Variants in PCBD2 observed in about 807,000 individuals in gnomAD.
The protein encoded by PCBD2 is pterin-4-alpha-carbinolamine dehydratase 2.
In PCBD2, 12 loss-of-function variants were observed where a neutral mutation model predicts 16.4. The ratio of observed to expected loss-of-function variants is 0.73; its 90% CI spans 0.47 to 1.19. The LOEUF (loss-of-function observed/expected upper bound fraction) is 1.19. PCBD2 is among the 50% of genes most tolerant of loss of function. PCBD2 has a pLI of 0.00. For missense variants in PCBD2, 138 were observed against 156.8 expected, an observed-to-expected ratio of 0.88 and a Z score of 0.64; for synonymous variants, 58 against 61.8, an observed-to-expected ratio of 0.94 and a Z score of 0.29.
At chr5:134,927,530 G>A in intron 2 of PCBD2, 1 of 397,776 alleles carries the variant, frequency 2.5e-6, no homozygotes, top group Non-Finnish European at 4.4e-6. Context: ...AGCCTAGGGT[G>A]TTGTGGGTGT....
chr5:134,929,450 C>T (rs549422296), intron 2 of PCBD2, among the ~76,000 whole-genome samples: 4 of 151,678 alleles, frequency 2.6e-5, no homozygotes, highest in African/African-American at 9.7e-5. Context: ...TCTGCTGAGA[C>T]ACCAAGTAAG....
chr5:134,936,451 G>T (rs1751160580), intron 2 of PCBD2, among the ~76,000 whole-genome samples: 1 of 152,252 alleles, frequency 6.6e-6, no homozygotes, highest in African/African-American at 2.4e-5. Context: ...CCAGGAAGGT[G>T]CTGGGTACAG....
intron 2 of PCBD2, among the ~76,000 whole-genome samples, chr5:134,913,172 C>T (rs1045126810): frequency 1.4e-4 from 21 of 152,124 alleles, no homozygotes; most frequent in African/African-American, 5.1e-4. Flanking sequence ...CTAGGTGCTA[C>T]TCTAAGCTCA....
At chr5:134,936,389 C>A (rs1751159193) in intron 2 of PCBD2, among the ~76,000 whole-genome samples, 1 of 152,226 alleles carries the variant, frequency 6.6e-6, no homozygotes, top group Non-Finnish European at 1.5e-5. Flanking sequence ...CTGTCCTCCT[C>A]AGTCGCACTG....
intron 2 of PCBD2, chr5:134,927,467 T>G (rs2149534168): frequency 2.5e-6 from 1 of 398,366 alleles, no homozygotes; most frequent in African/African-American, 2.1e-5. Context: ...AGTTATTGGC[T>G]CAGGAGTTTG....
At chr5:134,935,352 C>T (rs924662285) in intron 2 of PCBD2, among the ~76,000 whole-genome samples, 1 of 152,204 alleles carries the variant, frequency 6.6e-6, no homozygotes, top group Non-Finnish European at 1.5e-5. Context: ...TACATGCCCT[C>T]ATCCCTTTCC....
chr5:134,908,334 T>C (rs1268885893), intron 1 of PCBD2, among the ~76,000 whole-genome samples: 1 of 151,732 alleles, frequency 6.6e-6, no homozygotes. Context: ...AGTAAGTGGT[T>C]TTTAACAACA....
intron 2 of PCBD2, 21 bp downstream of exon 2, chr5:134,910,487 C>T: frequency 6.2e-7 from 1 of 1,612,724 alleles, no homozygotes; most frequent in Non-Finnish European, 8.5e-7. Context: ...TAAATTCTTG[C>T]TAGGGCTGTG....
chr5:134,926,239 G>A (rs1294976048), intron 2 of PCBD2: 6 of 331,910 alleles, frequency 1.8e-5, no homozygotes, highest in African/African-American at 1.3e-4. Context: ...GGAGAGTTGG[G>A]TTGTTTGGGT....
intron 2 of PCBD2, chr5:134,923,824 C>T: frequency 2.5e-6 from 1 of 394,010 alleles, no homozygotes; most frequent in Non-Finnish European, 4.5e-6. Flanking sequence ...ATGATTCAGC[C>T]ATAATTTACG....
At chr5:134,912,361 C>G (rs144227712) in intron 2 of PCBD2, among the ~76,000 whole-genome samples, 1 of 152,178 alleles carries the variant, frequency 6.6e-6, no homozygotes, top group South Asian at 2.1e-4. Context: ...TCCAGCGAAA[C>G]ACAACTAGGA....
chr5:134,953,320 C>A lies in PCBD2; in HGVS notation c.217-5720C>A, dbSNP rs560901478. On this transcript the variant is annotated intron_variant, in intron 2 of 3. Transcript: ENST00000254908. ...ATTTTTATTTTGATTCTTGTGGATA[C>A]TATTATAACTATATATAGGTATATA... is the stretch of plus-strand genomic sequence containing the variant. 1.4e-4 allele frequency among the ~76,000 whole-genome samples: 21 copies of A among 149,382 alleles called. No homozygotes were observed. In the East Asian group the frequency reaches 4.1e-3, roughly 29 times the overall value.
chr5:134,906,066 T>C (rs1014676535), intron 1 of PCBD2, among the ~76,000 whole-genome samples: 2 of 150,934 alleles, frequency 1.3e-5, no homozygotes, highest in Non-Finnish European at 3.0e-5. Context: ...TAGAGAGGGG[T>C]TTTCGCCATG....
At chr5:134,914,570 G>T (rs1750804957) in intron 2 of PCBD2, among the ~76,000 whole-genome samples, 1 of 152,178 alleles carries the variant, frequency 6.6e-6, no homozygotes, top group South Asian at 2.1e-4. Context: ...AGGGAAAAAA[G>T]GGAGGGACAG....
chr5:134,905,539 G>C (rs1030092571), intron 1 of PCBD2: 19 of 257,340 alleles, frequency 7.4e-5, no homozygotes, highest in Admixed American at 2.2e-4. Flanking sequence ...AGTAGTTGCA[G>C]AACAATTCGG....
intron 2 of PCBD2, among the ~76,000 whole-genome samples, chr5:134,923,110 C>A (rs1270063725): frequency 6.6e-6 from 1 of 152,148 alleles, no homozygotes; most frequent in Non-Finnish European, 1.5e-5. Flanking sequence ...CCAAATTTTA[C>A]AGAGGAGGAA....
In PCBD2 at chr5:134,960,694, T is replaced by C. The variant is rs1356872069; in HGVS notation, c.*13T>C. On this transcript the variant is annotated 3_prime_UTR_variant, in exon 4 of 4. Coordinates refer to ENST00000254908, the MANE Select transcript of PCBD2 (RefSeq NM_032151.5). ...TGCTTCTGTGTGATTTCTTCCAAAA[T>C]ACATGTAAAATCTTGTACACATCTT... 1 of 1,579,852 alleles carries C rather than the reference T, an allele frequency of 6.3e-7. No homozygotes were observed. Among genetic ancestry groups the C allele is most frequent in the South Asian group, 1.1e-5 (1 of 89,788 alleles).
At chr5:134,947,455 G>T (rs1340946371) in intron 2 of PCBD2, among the ~76,000 whole-genome samples, 2 of 142,098 alleles carry the variant, frequency 1.4e-5, no homozygotes, top group South Asian at 2.3e-4. Flanking sequence ...GTGCAGTGGC[G>T]CAGTCTTGGC....
At chr5:134,957,230 G>T (rs1580895726) in intron 2 of PCBD2, among the ~76,000 whole-genome samples, 1 of 152,324 alleles carries the variant, frequency 6.6e-6, no homozygotes, top group Middle Eastern at 3.4e-3. Context: ...CTGCACTCCA[G>T]CCTGGGCAGC....
Sources: gnomAD v4.1 joint callset for allele counts (sites outside exome capture counted in the v4.1 genomes callset) on GRCh38, gnomAD v4.1.1 for gene constraint, MANE v1.5 for transcripts, NCBI Gene and HGNC (gene_info 2026-07-23, HGNC 2026-07-21) for gene names.